The following CSGALNACT1 variants were observed in gnomAD, a reference collection of about 807,000 sequenced individuals.
CSGALNACT1 encodes chondroitin sulfate N-acetylgalactosaminyltransferase 1, also known as beta4GalNAcT-1.
A neutral mutation model predicts 51.0 loss-of-function variants in CSGALNACT1; 52 were observed. The ratio of observed to expected loss-of-function variants is 1.02; its 90% CI spans 0.82 to 1.29. The LOEUF is 1.29. CSGALNACT1 is among the 50% of genes most tolerant of loss of function. The pLI is 0.00. For synonymous variants in CSGALNACT1, 341 were observed against 254.4 expected, an observed-to-expected ratio of 1.34 and a Z score of -3.24; for missense variants, 935 against 679.2, an observed-to-expected ratio of 1.38 and a Z score of -4.19.
At chr8:19,713,159 C>T (rs1221710373) in intron 1 of CSGALNACT1, among the ~76,000 whole-genome samples, 1 of 152,168 alleles carries the variant, frequency 6.6e-6, no homozygotes, top group Admixed American at 6.5e-5. Flanking sequence ...TAGGAAGTGC[C>T]TCTGGACCCT....
chr8:19,505,632 T>C, exon 4 of CSGALNACT1: 1 of 1,614,144 alleles, frequency 6.2e-7, no homozygotes, highest in Non-Finnish European at 8.5e-7. Context: ...GTAGTTGCGG[T>C]GCTGCTCCTC....
chr8:19,754,825 G>A (rs1258766114), intron 1 of CSGALNACT1, among the ~76,000 whole-genome samples: 1 of 152,160 alleles, frequency 6.6e-6, no homozygotes, highest in African/African-American at 2.4e-5. Context: ...GTCCCCTAGT[G>A]GCGAAGCTCC....
intron 1 of CSGALNACT1, among the ~76,000 whole-genome samples, chr8:19,742,424 G>A (rs1157324799): frequency 6.6e-6 from 1 of 152,228 alleles, no homozygotes; most frequent in African/African-American, 2.4e-5. Flanking sequence ...TTGGCTAGGT[G>A]ATTTACTTAA....
intron 4 of CSGALNACT1, among the ~76,000 whole-genome samples, chr8:19,503,386 A>G (rs1300942447): frequency 6.6e-6 from 1 of 152,222 alleles, no homozygotes; most frequent in South Asian, 2.1e-4. Flanking sequence ...TGAGAAAGAT[A>G]GGCCTTACGT....
chr8:19,531,821 T>C (rs955459797), intron 3 of CSGALNACT1: 1 of 152,288 alleles, frequency 6.6e-6, no homozygotes, highest in Non-Finnish European at 1.5e-5. Context: ...CTACTCACTG[T>C]GATCCAGTGG....
At chr8:19,533,441 A>T (rs1174317061) in intron 3 of CSGALNACT1, among the ~76,000 whole-genome samples, 1 of 152,122 alleles carries the variant, frequency 6.6e-6, no homozygotes, top group African/African-American at 2.4e-5. Context: ...TCCTAATTTA[A>T]TTTAATTTCC....
intron 4 of CSGALNACT1, among the ~76,000 whole-genome samples, chr8:19,504,538 A>G (rs188155739): frequency 2.9e-4 from 44 of 152,308 alleles, no homozygotes; most frequent in African/African-American, 1.1e-3. Flanking sequence ...CTAAAATTAG[A>G]CACAAACACA....
At chr8:19,740,114 C>G (rs934552331) in intron 1 of CSGALNACT1, among the ~76,000 whole-genome samples, 2 of 152,206 alleles carry the variant, frequency 1.3e-5, no homozygotes, top group Non-Finnish European at 2.9e-5. Context: ...AAAATTCACT[C>G]CACAAGCTCT....
chr8:19,550,065 G>A (rs2087580435), intron 3 of CSGALNACT1, among the ~76,000 whole-genome samples: 1 of 152,014 alleles, frequency 6.6e-6, no homozygotes, highest in South Asian at 2.1e-4. Context: ...CTTTCCACAT[G>A]GAAATTCATA....
At chr8:19,686,806 T>C (rs2061003914), upstream of CSGALNACT1, among the ~76,000 whole-genome samples, 1 of 152,222 alleles carries the variant, frequency 6.6e-6, no homozygotes, top group Non-Finnish European at 1.5e-5. Flanking sequence ...ATCCATCCTC[T>C]GACTGCCCTG....
At chr8:19,432,044 C>T (rs1375928137) in intron 6 of CSGALNACT1, among the ~76,000 whole-genome samples, 1 of 152,058 alleles carries the variant, frequency 6.6e-6, no homozygotes, top group Admixed American at 6.6e-5. Flanking sequence ...TTATATTTGC[C>T]TATGTAGTTA....
chr8:19,647,900 T>G (rs1308758029), intron 1 of CSGALNACT1, among the ~76,000 whole-genome samples: 1 of 152,146 alleles, frequency 6.6e-6, no homozygotes, highest in East Asian at 1.9e-4. Context: ...GACATTTGAA[T>G]AAAAGAAAGG....
intron 3 of CSGALNACT1, among the ~76,000 whole-genome samples, chr8:19,565,355 C>T (rs189931664): frequency 6.5e-4 from 99 of 152,284 alleles, no homozygotes; most frequent in African/African-American, 2.0e-3. Context: ...CCTCTCCAGG[C>T]AGTGTAGCAG....
chr8:19,437,597 A>G (rs1035752167), intron 6 of CSGALNACT1, among the ~76,000 whole-genome samples: 1 of 152,226 alleles, frequency 6.6e-6, no homozygotes, highest in Non-Finnish European at 1.5e-5. Flanking sequence ...CAGAATGAGG[A>G]GATCAACACC....
chr8:19,470,191 C>A (rs1026777964), intron 4 of CSGALNACT1, among the ~76,000 whole-genome samples: 1 of 152,076 alleles, frequency 6.6e-6, no homozygotes, highest in Non-Finnish European at 1.5e-5. Flanking sequence ...CTAGTTCCCA[C>A]AATGGGGATG....
In CSGALNACT1 at chr8:19,710,117, C is replaced by T. The variant is rs567848494; in HGVS notation, c.-297+47733G>A. On this transcript the variant is annotated intron_variant, in intron 1 of 1. Transcript: ENST00000517494. ...ACACTGCAACAAAACCAGTTTCATCCGTATCCCTGGAAATTATCTGTGACT... is the reference window on the plus strand; with the variant it reads ...ACACTGCAACAAAACCAGTTTCATCTGTATCCCTGGAAATTATCTGTGACT... 1.0e-3 allele frequency among the ~76,000 whole-genome samples: 153 copies of T among 152,214 alleles called. No homozygotes were observed. In the South Asian group the frequency reaches 0.014, roughly 14 times the overall value.
At chr8:19,532,358 G>A (rs62493891) in intron 3 of CSGALNACT1, among the ~76,000 whole-genome samples, 33,779 of 151,950 alleles carry the variant, frequency 0.22, 4,201 homozygotes, top group African/African-American at 0.35. Context: ...AACAATTAGG[G>A]GTGACTGGGG....
chr8:19,531,711 C>T (rs2958595), intron 3 of CSGALNACT1: 30,756 of 152,104 alleles, frequency 0.2, 3,259 homozygotes, highest in African/African-American at 0.28. Flanking sequence ...ACTGTGACTT[C>T]GGTGGAACAA....
chr8:19,727,617 T>C (rs920361196), intron 1 of CSGALNACT1, among the ~76,000 whole-genome samples: 11 of 152,254 alleles, frequency 7.2e-5, no homozygotes, highest in African/African-American at 2.6e-4. Flanking sequence ...TCCCAAGGGA[T>C]TATAGGTGTG....
Sources: allele counts gnomAD v4.1 joint callset (sites outside exome capture counted in the v4.1 genomes callset), GRCh38; gene constraint gnomAD v4.1.1; transcripts MANE v1.5; gene names NCBI Gene and HGNC (gene_info 2026-07-23, HGNC 2026-07-21).